PSMB2: variants seen among roughly 807,000 people sequenced by gnomAD.
PSMB2 encodes proteasome 20S subunit beta 2.
PSMB2 carries 13 observed loss-of-function variants against 25.7 expected under a neutral mutation model. That is an observed-to-expected ratio of 0.51 (90% CI 0.33 to 0.80). PSMB2 has a LOEUF of 0.80. Ranked by LOEUF, PSMB2 falls within the 30% of genes least tolerant of loss-of-function variation. PSMB2 has a pLI of 0.02. For missense variants in PSMB2, 202 were observed against 259.0 expected (o/e 0.78, Z 1.51); for synonymous variants, 87 against 96.2 (o/e 0.90, Z 0.56).
rs974560699 is a variant in PSMB2, at chr1:35,601,613, G to A, written c.*1654C>T. ...GTTAACCCAATACTTTAATATGAACGTTATGATCAGTAGGTAGTATCTTAG... is the reference window on the plus strand; with the variant it reads ...GTTAACCCAATACTTTAATATGAACATTATGATCAGTAGGTAGTATCTTAG... On this transcript the variant is annotated 3_prime_UTR_variant, in exon 6 of 6. Transcript: ENST00000373237. 1.4e-5 allele frequency: 14 copies of A among 984,942 alleles called. No homozygotes were observed. Among genetic ancestry groups the A allele is most frequent in the East Asian group, 2.3e-4 (2 of 8,816 alleles). 61.0% of individuals were successfully genotyped at this position (984,942 alleles called of 1,614,324 possible).
chr1:35,631,912 C>T (rs2151529), intron 2 of PSMB2, among the ~76,000 whole-genome samples: 23,673 of 151,878 alleles, frequency 0.16, 3,932 homozygotes, highest in East Asian at 0.71. Context: ...GTAATCCCAG[C>T]TACTTAGGAG....
At chr1:35,627,799 T>C (rs549506102) in intron 3 of PSMB2, among the ~76,000 whole-genome samples, 6 of 152,210 alleles carry the variant, frequency 3.9e-5, no homozygotes, top group Non-Finnish European at 8.8e-5. Flanking sequence ...GGTAGTCCAA[T>C]TCCAGAGACT....
chr1:35,617,583 A>G (rs147539367), intron 3 of PSMB2, among the ~76,000 whole-genome samples: 49 of 152,346 alleles, frequency 3.2e-4, no homozygotes, highest in Admixed American at 1.6e-3. Flanking sequence ...TTTAGCATTT[A>G]TTGTATGAGA....
chr1:35,640,537 A>G (rs1651364556), intron 1 of PSMB2, among the ~76,000 whole-genome samples: 1 of 152,214 alleles, frequency 6.6e-6, no homozygotes, highest in South Asian at 2.1e-4. Flanking sequence ...AGCCACGGGA[A>G]GAAGGAAAAT....
At chr1:35,635,269 A>AG (rs1302373721) in intron 2 of PSMB2, among the ~76,000 whole-genome samples, 3 of 151,790 alleles carry the variant, frequency 2.0e-5, no homozygotes, top group Non-Finnish European at 4.4e-5. Context: ...CAAAAAAAAA[A>AG]AAAATTTTTT....
intron 3 of PSMB2, among the ~76,000 whole-genome samples, chr1:35,620,116 A>AT (rs755328828): frequency 2.0e-5 from 3 of 152,366 alleles, no homozygotes; most frequent in South Asian, 4.1e-4. Flanking sequence ...ATGCCCATGA[A>AT]TATCTAATCT....
intron 3 of PSMB2, among the ~76,000 whole-genome samples, chr1:35,623,011 T>G (rs981349942): frequency 2.0e-5 from 3 of 152,176 alleles, no homozygotes; most frequent in African/African-American, 4.8e-5. Context: ...GTCAGAATGC[T>G]TACTCCTCCT....
chr1:35,630,877 A>G (rs1191552034), intron 3 of PSMB2, among the ~76,000 whole-genome samples: 1 of 152,242 alleles, frequency 6.6e-6, no homozygotes, highest in African/African-American at 2.4e-5. Flanking sequence ...ATTTGTGACA[A>G]TGTATCACCC....
rs1225023792 is a variant in PSMB2, at chr1:35,601,136, G to A, written c.*2131C>T. 5 of 825,450 alleles carry A rather than the reference G, an allele frequency of 6.1e-6. No individual in the cohort carries two copies. Among genetic ancestry groups the A allele is most frequent in the Non-Finnish European group, 7.3e-6 (5 of 689,432 alleles). The allele number at this position is 825,450 out of a possible 1,614,324, so 51.1% of individuals were successfully genotyped here. A position where few individuals can be genotyped will look rare whatever the true frequency, so the allele number is the denominator to read the frequency against. On this transcript the variant is annotated 3_prime_UTR_variant, in exon 6 of 6. Transcript: ENST00000373237. The stretch of plus-strand genomic sequence containing the variant: ...GGCTGGAGTGCAGTGGCATGATCTC[G>A]GCTCACTGCAACCTCCCTCTCCCGG...
chr1:35,639,202 C>T (rs79358599), intron 1 of PSMB2, among the ~76,000 whole-genome samples: 2 of 151,984 alleles, frequency 1.3e-5, no homozygotes, highest in East Asian at 1.9e-4. Context: ...TGCAGTGAGC[C>T]GAGATCGCGC....
At chr1:35,634,322 T>G (rs754072229) in intron 2 of PSMB2, among the ~76,000 whole-genome samples, 1 of 152,220 alleles carries the variant, frequency 6.6e-6, no homozygotes, top group East Asian at 1.9e-4. Flanking sequence ...ACTTATCACA[T>G]AAAAAATAGT....
Position 35,602,897 on chromosome 1 carries a change from A to G in PSMB2, c.*370T>C, listed in dbSNP as rs1650046423. 1.0e-6 allele frequency: 1 copy of G among 984,858 alleles called. No homozygotes were observed. Among genetic ancestry groups the G allele is most frequent in the Non-Finnish European group, 1.2e-6 (1 of 824,288 alleles). The allele number at this position is 984,858 out of a possible 1,614,324, so 61.0% of individuals were successfully genotyped here. Reference sequence around the variant, plus strand: ...TTAATTAATTTAAAAATTTAAGTTTAAGGGCAAAAAGAACCACTACTTTAG... The same window carrying G: ...TTAATTAATTTAAAAATTTAAGTTTGAGGGCAAAAAGAACCACTACTTTAG... On this transcript the variant is annotated 3_prime_UTR_variant, in exon 6 of 6. Transcript: ENST00000373237.
rs953710936 is a variant in PSMB2 at position 35,600,361 on chromosome 1, C to A, written c.*2906G>T. 4.3e-5 allele frequency: 36 copies of A among 827,830 alleles called. No homozygotes were observed. In the African/African-American group the frequency reaches 5.4e-4, roughly 12 times the overall value. 51.3% of individuals were successfully genotyped at this position (827,830 alleles called of 1,614,324 possible). A position where few individuals can be genotyped will look rare whatever the true frequency, so the allele number is the denominator to read the frequency against. ...AGCCTGGAGCTTAGTAATACTAATA[C>A]ACCAACCAATGTTGGTTTCTCAGTT... On this transcript the variant is annotated 3_prime_UTR_variant, in exon 6 of 6. Transcript: ENST00000373237.
chr1:35,608,602 T>C (rs1650240487), intron 4 of PSMB2, among the ~76,000 whole-genome samples: 1 of 152,214 alleles, frequency 6.6e-6, no homozygotes, highest in Admixed American at 6.5e-5. Context: ...ATATGTACAA[T>C]TATTATTTGT....
intron 4 of PSMB2, among the ~76,000 whole-genome samples, chr1:35,607,592 T>C (rs1198408932): frequency 6.6e-6 from 1 of 152,148 alleles, no homozygotes; most frequent in Admixed American, 6.6e-5. Context: ...TGCAAACTAG[T>C]ATAGCCACTA....
At position 35,640,843 on chromosome 1, in the gene PSMB2, A is replaced by G. The variant is rs1057334532; in HGVS notation, c.91+499T>C. ...TTTAGGCAACTCTCACCAAGCAAGA[A>G]GCATTTAGCGAAGGCCAGAGCAGAG... On this transcript the variant is annotated intron_variant, in intron 1 of 5. Transcript: ENST00000373237. Among the ~76,000 whole-genome samples the G allele has an allele frequency of 4.6e-5, 7 of 152,320 alleles. No individual in the cohort carries two copies. In the East Asian group the frequency reaches 1.4e-3, roughly 29 times the overall value.
intron 3 of PSMB2, among the ~76,000 whole-genome samples, chr1:35,628,629 A>T (rs12119885): frequency 0.039 from 1,677 of 43,384 alleles, 118 homozygotes; most frequent in East Asian, 0.15. Context: ...ATATATATAT[A>T]TATTTTTTTT....
At chr1:35,628,596 A>AAAAATAT (rs59538661) in intron 3 of PSMB2, among the ~76,000 whole-genome samples, 24 of 25,098 alleles carry the variant, frequency 9.6e-4, no homozygotes, top group African/African-American at 1.2e-3. Flanking sequence ...AAAAAAAAAA[A>AAAAATAT]ATATATATAT....
intron 3 of PSMB2, among the ~76,000 whole-genome samples, chr1:35,616,695 C>T (rs975819364): frequency 6.6e-6 from 1 of 152,308 alleles, no homozygotes; most frequent in East Asian, 1.9e-4. Context: ...ACTGCTTTGC[C>T]AATCCCCAAT....
Sources: gnomAD v4.1 joint callset for allele counts (sites outside exome capture counted in the v4.1 genomes callset) on GRCh38, gnomAD v4.1.1 for gene constraint, MANE v1.5 for transcripts, NCBI Gene and HGNC (gene_info 2026-07-23, HGNC 2026-07-21) for gene names.